TIMELESS: variants seen among roughly 807,000 people sequenced by gnomAD.
TIMELESS encodes timeless circadian regulator, also known as protein timeless homolog.
TIMELESS carries 124 observed loss-of-function variants against 164.3 expected under a neutral mutation model. The ratio of observed to expected loss-of-function variants is 0.75; its 90% CI spans 0.65 to 0.88. The LOEUF is 0.88. Among genes scored for constraint, TIMELESS ranks in the 40% least tolerant of loss-of-function variants. The pLI is 0.00. For missense variants in TIMELESS, 1,422 were observed against 1,491.4 expected, an observed-to-expected ratio of 0.95 and a Z score of 0.77; for synonymous variants, 564 against 563.4, an observed-to-expected ratio of 1.00 and a Z score of -0.02.
chr12:56,420,825 G>A lies in TIMELESS; in HGVS notation c.3097C>T (p.Arg1033Trp), dbSNP rs550004313. 63 of 1,614,104 alleles carry A rather than the reference G, an allele frequency of 3.9e-5. No individual in the cohort carries two copies. The highest frequency in any genetic ancestry group is 1.2e-4 in the Admixed American group (7 of 60,008). ...QNCLIRAADDREEDGCSQAVP... is the reference protein window; with the variant it reads ...QNCLIRAADDWEEDGCSQAVP... ...CCTGTCCACTCACCATCCTCTTCCC[G>A]ATCATCAGCTGCTCGGATCAGGCAG... is the stretch of plus-strand genomic sequence containing the variant. The change falls in exon 25 of 29, where the codon CGG becomes TGG. Residue 1033 changes from arginine (R) to tryptophan (W), a missense_variant. Transcript: ENST00000553532.
Position 56,428,654 on chromosome 12 carries a change from T to C in TIMELESS, c.1305-2A>G. The stretch of plus-strand genomic sequence containing the variant: ...TAGGCCTTCAGAGCCAAGTGCATCC[T>C]GAGAGTTGACGGGAAACGGTGAAAT... On this transcript the variant is annotated splice_acceptor_variant, in intron 11 of 28. Coordinates refer to ENST00000553532, the MANE Select transcript of TIMELESS (RefSeq NM_003920.5). LOFTEE classifies it high-confidence loss of function. 6.2e-7 allele frequency: 1 copy of C among 1,612,924 alleles called. No homozygotes were observed. The highest frequency in any genetic ancestry group is 8.5e-7 in the Non-Finnish European group (1 of 1,179,146).
intron 1 of TIMELESS, among the ~76,000 whole-genome samples, chr12:56,444,795 A>C (rs1442914135): frequency 6.6e-6 from 1 of 151,772 alleles, no homozygotes; most frequent in East Asian, 1.9e-4. Context: ...CCTCCTACTT[A>C]AGTGCTGATT....
In TIMELESS at chr12:56,421,147, G is replaced by A. The variant is rs923858965; in HGVS notation, c.2869-13C>T. 2 of 1,613,276 alleles carry A rather than the reference G, an allele frequency of 1.2e-6. No homozygotes were observed. Among genetic ancestry groups the A allele is most frequent in the Non-Finnish European group, 1.7e-6 (2 of 1,179,904 alleles). On this transcript the variant is annotated splice_polypyrimidine_tract_variant and intron_variant, in intron 23 of 28. Transcript: ENST00000553532. ...CCGCTCCATTTGGCTAAAATTCATT[G>A]GGGGTTGGGGGAATGAAAATGAAGG...
intron 1 of TIMELESS, among the ~76,000 whole-genome samples, chr12:56,444,799 G>A (rs1373923993): frequency 1.3e-5 from 2 of 151,888 alleles, no homozygotes; most frequent in Non-Finnish European, 2.9e-5. Flanking sequence ...CTACTTAAGT[G>A]CTGATTTTCC....
At chr12:56,436,569 C>T (rs188520464) in intron 1 of TIMELESS, among the ~76,000 whole-genome samples, 91 of 152,264 alleles carry the variant, frequency 6.0e-4, no homozygotes, top group African/African-American at 2.1e-3. Flanking sequence ...TGATGCTATG[C>T]CAGAGTCAAG....
intron 1 of TIMELESS, among the ~76,000 whole-genome samples, chr12:56,436,932 T>A (rs1186814466): frequency 6.8e-6 from 1 of 147,074 alleles, no homozygotes; most frequent in African/African-American, 2.5e-5. Context: ...AGCATGCAAT[T>A]TTTTTTTTTT....
At chr12:56,431,367 A>C (rs1397778690) in intron 8 of TIMELESS, 104 bp downstream of exon 8, 24 of 1,404,464 alleles carry the variant, frequency 1.7e-5, no homozygotes, top group African/African-American at 1.0e-4. Context: ...AAAAAAAAAA[A>C]AAAAACACTA....
intron 13 of TIMELESS, 53 bp from the exon 14 acceptor site, chr12:56,425,205 C>G: frequency 1.3e-6 from 2 of 1,539,702 alleles, no homozygotes; most frequent in Non-Finnish European, 1.7e-6. Context: ...AGGGCTTTCC[C>G]CATCAGTGTC....
At chr12:56,435,127 G>T (rs146331768) in intron 1 of TIMELESS, among the ~76,000 whole-genome samples, 1 of 152,128 alleles carries the variant, frequency 6.6e-6, no homozygotes, top group African/African-American at 2.4e-5. Flanking sequence ...TAAAAAAACC[G>T]AGCTCTGGCC....
chr12:56,431,370 A>AAAAC (rs1555177637), intron 8 of TIMELESS, 101 bp downstream of exon 8: 15,207 of 1,323,844 alleles, frequency 0.011, 70 homozygotes, highest in East Asian at 0.015. Context: ...AAAAAAAAAA[A>AAAAC]AACACTAAAA....
intron 1 of TIMELESS, among the ~76,000 whole-genome samples, chr12:56,438,297 G>C (rs572302200): frequency 9.9e-5 from 15 of 152,138 alleles, no homozygotes; most frequent in African/African-American, 3.6e-4. Flanking sequence ...TGCCCGTCTT[G>C]GCCTCACAAA....
intron 8 of TIMELESS, 113 bp from the exon 9 acceptor site, chr12:56,431,081 C>T (rs1366087090): frequency 3.0e-5 from 20 of 657,488 alleles, no homozygotes; most frequent in East Asian, 6.9e-5. Context: ...TGGTCGGGCA[C>T]GGTGGCTCAC....
At chr12:56,434,404 C>T (rs1246763945) in intron 1 of TIMELESS, among the ~76,000 whole-genome samples, 173 bp from the exon 2 acceptor site, 2 of 152,194 alleles carry the variant, frequency 1.3e-5, no homozygotes, top group East Asian at 1.9e-4. Flanking sequence ...ATAATGGCTT[C>T]TACCTGATCA....
At chr12:56,441,453 C>G (rs753108767) in intron 1 of TIMELESS, among the ~76,000 whole-genome samples, 1 of 152,068 alleles carries the variant, frequency 6.6e-6, no homozygotes, top group South Asian at 2.1e-4. Flanking sequence ...GAAGCCCAGT[C>G]TCCACAAAAA....
chr12:56,420,048 A>ATATATATATATGTGTGTGTG (rs1473074484), intron 26 of TIMELESS, among the ~76,000 whole-genome samples: 7 of 87,336 alleles, frequency 8.0e-5, no homozygotes, highest in African/African-American at 3.5e-4. Flanking sequence ...ATATATATAT[A>ATATATATATATGTGTGTGTG]TGTGTGTGTG....
At chr12:56,439,573 G>C (rs1455164563) in intron 1 of TIMELESS, among the ~76,000 whole-genome samples, 1 of 151,894 alleles carries the variant, frequency 6.6e-6, no homozygotes, top group Non-Finnish European at 1.5e-5. Flanking sequence ...TTTTAAATTT[G>C]TGTAGAGCTG....
At chr12:56,430,772 G>A (rs1881849431) in intron 9 of TIMELESS, 109 bp downstream of exon 9, 1 of 672,986 alleles carries the variant, frequency 1.5e-6, no homozygotes, top group East Asian at 3.2e-5. Context: ...CCAAAGTGCT[G>A]GGACCACAAG....
chr12:56,437,300 A>G (rs187030010), intron 1 of TIMELESS, among the ~76,000 whole-genome samples: 1 of 152,306 alleles, frequency 6.6e-6, no homozygotes, highest in African/African-American at 2.4e-5. Flanking sequence ...GAAACAGTAA[A>G]CTGATTTCAG....
chr12:56,426,566 T>A (rs1881684986), intron 13 of TIMELESS, among the ~76,000 whole-genome samples: 1 of 151,698 alleles, frequency 6.6e-6, no homozygotes, highest in South Asian at 2.1e-4. Flanking sequence ...TTTGTTTGTT[T>A]GTTTGTTTTT....
Sources: allele counts gnomAD v4.1 joint callset (sites outside exome capture counted in the v4.1 genomes callset), GRCh38; gene constraint gnomAD v4.1.1; transcripts MANE v1.5; gene names NCBI Gene and HGNC (gene_info 2026-07-23, HGNC 2026-07-21).